Variants in ADCY1 observed in about 807,000 individuals in gnomAD.
ADCY1 encodes the protein adenylate cyclase type 1.
A neutral mutation model predicts 105.4 loss-of-function variants in ADCY1; 28 were observed. The observed-to-expected ratio is 0.27, with a 90% CI of 0.20 to 0.36. ADCY1 has a LOEUF of 0.36. Among genes scored for constraint, ADCY1 ranks in the 10% least tolerant of loss-of-function variants. The pLI is 1.00. For missense variants in ADCY1, 977 were observed against 1,434.2 expected, an observed-to-expected ratio of 0.68 and a Z score of 5.15; for synonymous variants, 655 against 623.8, an observed-to-expected ratio of 1.05 and a Z score of -0.75.
At chr7:45,679,640 C>T in intron 10 of ADCY1, 69 bp from the exon 11 acceptor site, 2 of 1,526,420 alleles carry the variant, frequency 1.3e-6, no homozygotes, top group Middle Eastern at 3.4e-4. Flanking sequence ...GGCCAATTCT[C>T]AGCCATCTCT....
intron 19 of ADCY1, among the ~76,000 whole-genome samples, chr7:45,712,155 A>T: frequency 7.1e-6 from 1 of 140,096 alleles, no homozygotes; most frequent in East Asian, 2.0e-4. Flanking sequence ...AAATTATTTT[A>T]AATTTTAAAT....
intron 14 of ADCY1, among the ~76,000 whole-genome samples, chr7:45,687,545 G>A (rs564651818): frequency 5.3e-5 from 8 of 152,270 alleles, no homozygotes; most frequent in Non-Finnish European, 1.2e-4. Flanking sequence ...TTTCACCCTG[G>A]GAAAATTGCT....
chr7:45,689,845 G>T (rs556238307), intron 14 of ADCY1, among the ~76,000 whole-genome samples: 8 of 152,236 alleles, frequency 5.3e-5, no homozygotes, highest in Non-Finnish European at 8.8e-5. Context: ...TTCAGATTCG[G>T]TTATGGAAGG....
intron 1 of ADCY1, among the ~76,000 whole-genome samples, chr7:45,586,452 A>G (rs1000847971): frequency 6.6e-6 from 1 of 152,260 alleles, no homozygotes; most frequent in Non-Finnish European, 1.5e-5. Flanking sequence ...TCAAATATAC[A>G]CAAAAGTAGA....
At chr7:45,608,043 T>A (rs931340937) in intron 2 of ADCY1, among the ~76,000 whole-genome samples, 1 of 152,252 alleles carries the variant, frequency 6.6e-6, no homozygotes, top group East Asian at 1.9e-4. Flanking sequence ...CTGAACTAAT[T>A]TACGTTTCCC....
At chr7:45,579,478 A>C (rs1259672100) in intron 1 of ADCY1, among the ~76,000 whole-genome samples, 1 of 137,490 alleles carries the variant, frequency 7.3e-6, no homozygotes, top group Non-Finnish European at 1.6e-5. Context: ...CTACTCCCCC[A>C]CGGACCCCTC....
chr7:45,606,265 C>T (rs1483954999), intron 2 of ADCY1, among the ~76,000 whole-genome samples: 1 of 149,106 alleles, frequency 6.7e-6, no homozygotes, highest in African/African-American at 2.5e-5. Flanking sequence ...TTGGGGGCCC[C>T]TTCACAGCCT....
chr7:45,645,210 T>C (rs1470008379), intron 4 of ADCY1, among the ~76,000 whole-genome samples: 1 of 152,102 alleles, frequency 6.6e-6, no homozygotes, highest in Non-Finnish European at 1.5e-5. Context: ...CATGCAGAGA[T>C]AGGTTCTCCC....
At chr7:45,588,477 G>A (rs971600157) in intron 1 of ADCY1, among the ~76,000 whole-genome samples, 44 of 152,214 alleles carry the variant, frequency 2.9e-4, no homozygotes, top group African/African-American at 1.0e-3. Context: ...GGCAGAGCTA[G>A]AACATATATG....
In ADCY1 at chr7:45,576,681, A is replaced by G. The variant is rs58500623; in HGVS notation, c.639+1499A>G. ...TATCAGTCTCAGGGGGCATTCCTGTATCTCCTACTGCCTCCACCCCCCATC... is the reference window on the plus strand; with the variant it reads ...TATCAGTCTCAGGGGGCATTCCTGTGTCTCCTACTGCCTCCACCCCCCATC... On this transcript the variant is annotated intron_variant, in intron 1 of 19. Coordinates refer to ENST00000297323, the MANE Select transcript of ADCY1 (RefSeq NM_021116.4). Among the ~76,000 whole-genome samples, 535 of 152,156 alleles carry G rather than the reference A, an allele frequency of 3.5e-3. 5 individuals carry two copies. The highest frequency in any genetic ancestry group is 0.012 in the African/African-American group (488 of 41,518).
At chr7:45,604,392 T>C (rs1793321741) in intron 2 of ADCY1, among the ~76,000 whole-genome samples, 1 of 152,222 alleles carries the variant, frequency 6.6e-6, no homozygotes, top group African/African-American at 2.4e-5. Flanking sequence ...CCTTTTGTAC[T>C]TTTGGTGTCA....
intron 3 of ADCY1, among the ~76,000 whole-genome samples, chr7:45,613,337 A>G (rs1793643151): frequency 1.3e-5 from 2 of 152,202 alleles, no homozygotes; most frequent in South Asian, 2.1e-4. Flanking sequence ...ATCAAGCAGA[A>G]TAAAAGATCA....
chr7:45,587,324 C>T (rs576473271), intron 1 of ADCY1, among the ~76,000 whole-genome samples: 12 of 152,276 alleles, frequency 7.9e-5, no homozygotes, highest in South Asian at 6.2e-4. Flanking sequence ...CAGGGCTCAG[C>T]GGGTCTCTTG....
At chr7:45,581,589 G>T (rs369660851) in intron 1 of ADCY1, among the ~76,000 whole-genome samples, 7 of 152,104 alleles carry the variant, frequency 4.6e-5, no homozygotes, top group Admixed American at 2.6e-4. Context: ...CAAGCAGCAT[G>T]GGGGCTGAAG....
At chr7:45,641,089 C>G (rs1383447538) in intron 4 of ADCY1, among the ~76,000 whole-genome samples, 1 of 152,138 alleles carries the variant, frequency 6.6e-6, no homozygotes, top group African/African-American at 2.4e-5. Flanking sequence ...CTCATGGAAG[C>G]CAGCCCAGGA....
chr7:45,584,326 C>A (rs529547406), intron 1 of ADCY1, among the ~76,000 whole-genome samples: 2 of 152,310 alleles, frequency 1.3e-5, no homozygotes, highest in South Asian at 4.1e-4. Context: ...GTGGCCCCCA[C>A]TTCCTGGGAG....
intron 3 of ADCY1, among the ~76,000 whole-genome samples, chr7:45,618,018 G>A (rs1465302861): frequency 6.6e-6 from 1 of 152,158 alleles, no homozygotes; most frequent in Non-Finnish European, 1.5e-5. Context: ...CATGGTACTG[G>A]TATAAAAACA....
intron 4 of ADCY1, among the ~76,000 whole-genome samples, chr7:45,623,106 G>C (rs1452762356): frequency 6.6e-6 from 1 of 152,180 alleles, no homozygotes; most frequent in Non-Finnish European, 1.5e-5. Context: ...GCAATCCCTC[G>C]TTCTGGGCTC....
chr7:45,662,032 C>A, intron 7 of ADCY1, 27 bp from the exon 8 acceptor site: 1 of 1,606,144 alleles, frequency 6.2e-7, no homozygotes, highest in South Asian at 1.1e-5. Flanking sequence ...CACAGCATTT[C>A]TCCTTGCCCC....
Sources: allele counts gnomAD v4.1 joint callset (sites outside exome capture counted in the v4.1 genomes callset), GRCh38; gene constraint gnomAD v4.1.1; transcripts MANE v1.5; gene names NCBI Gene and HGNC (gene_info 2026-07-23, HGNC 2026-07-21).